WDR11: variants seen among roughly 807,000 people sequenced by gnomAD.
WDR11 encodes WD repeat domain 11.
Under a neutral mutation model 151.2 loss-of-function variants are expected in WDR11, and 83 were observed. The observed-to-expected ratio is 0.55, with a 90% CI of 0.46 to 0.66. The LOEUF (loss-of-function observed/expected upper bound fraction) is 0.66, where lower values mean the gene tolerates loss of function less well. WDR11 is among the 30% of genes least tolerant of loss of function. The probability of loss-of-function intolerance (pLI) is 0.00; values close to 1 mark genes in which losing one functional copy is unlikely to be tolerated. For missense variants in WDR11, 1,301 were observed against 1,480.9 expected (o/e 0.88, Z 1.99); for synonymous variants, 484 against 533.1 (o/e 0.91, Z 1.27).
At chr10:120,879,496 C>G (rs1324167466) in intron 12 of WDR11, 1 of 151,844 alleles carries the variant, frequency 6.6e-6, no homozygotes, top group African/African-American at 2.4e-5. Context: ...GTATCATTGA[C>G]TTAAAAAAAA....
At chr10:120,904,244 T>C in intron 24 of WDR11, 102 bp downstream of exon 24, 1 of 934,580 alleles carries the variant, frequency 1.1e-6, no homozygotes, top group Non-Finnish European at 1.7e-6. Context: ...TATTTTCCCC[T>C]TGTATGTACC....
At chr10:120,866,095 C>T (rs543181627) in intron 7 of WDR11, among the ~76,000 whole-genome samples, 1 of 151,816 alleles carries the variant, frequency 6.6e-6, no homozygotes, top group East Asian at 1.9e-4. Context: ...TAAGAACTTC[C>T]ATTGTAAAGT....
At chr10:120,872,174 C>T (rs542608007) in intron 10 of WDR11, among the ~76,000 whole-genome samples, 1 of 152,274 alleles carries the variant, frequency 6.6e-6, no homozygotes, top group South Asian at 2.1e-4. Context: ...GTTAAAGACT[C>T]ATTTGGGTAT....
intron 2 of WDR11, among the ~76,000 whole-genome samples, chr10:120,855,908 A>C (rs941524494): frequency 1.1e-4 from 17 of 152,160 alleles, no homozygotes; most frequent in African/African-American, 3.6e-4. Context: ...GAGTAGTGAG[A>C]GGATACTCTT....
chr10:120,905,319 A>G lies in WDR11; in HGVS notation c.3194A>G (p.Glu1065Gly), dbSNP rs1209001044. ...AAGGGGATGCGCTTTTGTCTTTCAG[A>G]GGGCGTTCAGTTGCTCTGCCTGATA... The part of the protein sequence containing the change: ...TNMIANGKLA[E>G]GVQLLCLIDK... The change falls in exon 26 of 29, where the codon GAG (glutamate) becomes GGG (glycine). Residue 1065 changes from glutamate (E) to glycine (G), a missense_variant and splice_region_variant. Around this residue, in one of 3 missense-constraint regions of WDR11, gnomAD observed 589 missense variants for 670.6 expected, o/e 0.88. Transcript: ENST00000263461. 2 of 1,613,832 alleles carry G rather than the reference A, an allele frequency of 1.2e-6. No individual in the cohort carries two copies. Among genetic ancestry groups the G allele is most frequent in the Non-Finnish European group, 1.7e-6 (2 of 1,180,018 alleles).
At chr10:120,890,523 A>T (rs1364561498) in intron 18 of WDR11, among the ~76,000 whole-genome samples, 193 bp from the exon 19 acceptor site, 1 of 152,104 alleles carries the variant, frequency 6.6e-6, no homozygotes, top group African/African-American at 2.4e-5. Flanking sequence ...CGATTTATTT[A>T]TTTTTTAATA....
At chr10:120,868,168 C>T (rs1251520427) in intron 9 of WDR11, among the ~76,000 whole-genome samples, 2 of 152,006 alleles carry the variant, frequency 1.3e-5, no homozygotes, top group East Asian at 3.9e-4. Flanking sequence ...CTAGAAAGAG[C>T]ATTGGCCAGG....
chr10:120,863,359 T>A (rs1846202318), intron 5 of WDR11, among the ~76,000 whole-genome samples: 1 of 152,216 alleles, frequency 6.6e-6, no homozygotes, highest in East Asian at 1.9e-4. Flanking sequence ...CCATCCTGGT[T>A]AAGAGCCAAG....
At chr10:120,878,247 T>C in intron 11 of WDR11, 106 bp from the exon 12 acceptor site, 1 of 821,626 alleles carries the variant, frequency 1.2e-6, no homozygotes, top group East Asian at 2.7e-5. Context: ...TTTTAATTAA[T>C]TTGTGTAATA....
intron 10 of WDR11, among the ~76,000 whole-genome samples, chr10:120,872,578 C>G (rs1357030723): frequency 1.2e-5 from 1 of 85,896 alleles, no homozygotes; most frequent in Non-Finnish European, 2.6e-5. Context: ...ATATAAGTAC[C>G]TAAAAGTTTG....
In WDR11 at chr10:120,865,108, C is replaced by T. The variant is rs760176254; in HGVS notation, c.775C>T (p.His259Tyr). The T allele has an allele frequency of 1.2e-6, 2 of 1,613,958 alleles. No homozygotes were observed. The highest frequency in any genetic ancestry group is 1.7e-6 in the Non-Finnish European group (2 of 1,179,878). ...GGCATACCTGCCTTCAAAAAGGAAT[C>T]ACATGTTGTTGCTCTATCCTCGAGA... ...QLAYLPSKRN[H>Y]MLLLYPREIL... Residue 259 changes from histidine to tyrosine, a missense_variant, in exon 6 of 29, where the codon CAC becomes TAC. Around this residue, in one of 3 missense-constraint regions of WDR11, gnomAD observed 692 missense variants for 762.5 expected, o/e 0.91. Transcript: ENST00000263461.
At chr10:120,886,969 C>T (rs887657503) in intron 16 of WDR11, 133 bp downstream of exon 16, 26 of 953,858 alleles carry the variant, frequency 2.7e-5, no homozygotes, top group African/African-American at 9.8e-5. Flanking sequence ...GAGATATTAT[C>T]GATTAAACTT....
intron 5 of WDR11, 68 bp from the exon 6 acceptor site, chr10:120,864,979 A>T: frequency 1.3e-6 from 2 of 1,557,034 alleles, no homozygotes; most frequent in Non-Finnish European, 1.8e-6. Flanking sequence ...TAAAGTACAA[A>T]ATTAAATCTT....
intron 7 of WDR11, 102 bp from the exon 8 acceptor site, chr10:120,866,467 G>A: frequency 5.3e-6 from 7 of 1,325,838 alleles, no homozygotes; most frequent in East Asian, 2.3e-5. Flanking sequence ...CATTCATGAA[G>A]GAGTGATGCC....
chr10:120,902,075 A>G (rs1489517357), intron 21 of WDR11, among the ~76,000 whole-genome samples, 182 bp from the exon 22 acceptor site: 2 of 152,226 alleles, frequency 1.3e-5, no homozygotes, highest in African/African-American at 4.8e-5. Flanking sequence ...AGCCTTGAGA[A>G]CACTCTCAGC....
chr10:120,903,374 G>T (rs1847903362), intron 23 of WDR11, 142 bp downstream of exon 23: 1 of 1,031,720 alleles, frequency 9.7e-7, no homozygotes, highest in African/African-American at 1.6e-5. Context: ...GCTGGGTGTG[G>T]TGGCACGTGC....
At chr10:120,878,731 T>G (rs1160081131) in intron 12 of WDR11, among the ~76,000 whole-genome samples, 5 of 152,180 alleles carry the variant, frequency 3.3e-5, no homozygotes, top group Admixed American at 3.3e-4. Context: ...TACTTTTAAG[T>G]GCATTGTTAT....
At chr10:120,864,451 T>A (rs1846244575) in intron 5 of WDR11, among the ~76,000 whole-genome samples, 1 of 152,214 alleles carries the variant, frequency 6.6e-6, no homozygotes, top group Non-Finnish European at 1.5e-5. Flanking sequence ...TTTCAGACCC[T>A]AACAATCTCT....
At chr10:120,851,637 G>T (rs531102332) in intron 1 of WDR11, 131 bp downstream of exon 1, 3 of 1,109,388 alleles carry the variant, frequency 2.7e-6, no homozygotes, top group Non-Finnish European at 2.6e-6. Context: ...CACGCAATGA[G>T]CTTGCTTTCA....
Sources: allele counts gnomAD v4.1 joint callset (sites outside exome capture counted in the v4.1 genomes callset), GRCh38; gene constraint gnomAD v4.1.1; regional missense constraint gnomAD v4.1.1; transcripts MANE v1.5; gene names NCBI Gene and HGNC (gene_info 2026-07-23, HGNC 2026-07-21).